The following ANKS1B variants were observed in gnomAD, a reference collection of about 807,000 sequenced individuals.
ANKS1B encodes ankyrin repeat and sterile alpha motif domain-containing protein 1B.
Under a neutral mutation model 148.3 loss-of-function variants are expected in ANKS1B, and 36 were observed. The ratio of observed to expected loss-of-function variants is 0.24; its 90% CI spans 0.19 to 0.32. ANKS1B has a LOEUF of 0.32. Among genes scored for constraint, ANKS1B ranks in the 10% least tolerant of loss-of-function variants. ANKS1B has a pLI of 1.00. For missense variants in ANKS1B, 1,157 were observed against 1,542.6 expected (o/e 0.75, Z 4.19); for synonymous variants, 542 against 560.8 (o/e 0.97, Z 0.47).
intron 12 of ANKS1B, among the ~76,000 whole-genome samples, chr12:99,287,308 G>C (rs752355333): frequency 2.6e-5 from 4 of 152,146 alleles, no homozygotes; most frequent in Non-Finnish European, 4.4e-5. Flanking sequence ...CAGGAAGGTG[G>C]TATTTCTACA....
At chr12:98,954,318 C>T (rs901048764) in intron 17 of ANKS1B, 4 of 152,166 alleles carry the variant, frequency 2.6e-5, no homozygotes, top group Non-Finnish European at 5.9e-5. Flanking sequence ...ATTTTAGTGT[C>T]CTTCTCTTTC....
chr12:98,918,939 A>G (rs901078696), intron 17 of ANKS1B, among the ~76,000 whole-genome samples: 6 of 152,222 alleles, frequency 3.9e-5, no homozygotes, highest in African/African-American at 1.4e-4. Flanking sequence ...AATCAATAAA[A>G]TTTATATAAC....
At chr12:99,270,781 T>G (rs909634611) in intron 12 of ANKS1B, among the ~76,000 whole-genome samples, 8 of 152,244 alleles carry the variant, frequency 5.3e-5, no homozygotes, top group African/African-American at 1.9e-4. Flanking sequence ...ACTTTCCAAA[T>G]GAATATTGTC....
At chr12:99,707,178 A>T (rs553767701) in intron 8 of ANKS1B, among the ~76,000 whole-genome samples, 16 of 152,220 alleles carry the variant, frequency 1.1e-4, no homozygotes, top group African/African-American at 3.9e-4. Context: ...AAGATTGTTG[A>T]GTTCTGCTTG....
intron 14 of ANKS1B, among the ~76,000 whole-genome samples, chr12:99,208,489 T>C (rs1434251008): frequency 6.6e-6 from 1 of 152,202 alleles, no homozygotes; most frequent in Non-Finnish European, 1.5e-5. Flanking sequence ...GTTAGGCTTA[T>C]TTCATATGTT....
At chr12:99,582,456 C>A (rs1402349762) in intron 9 of ANKS1B, among the ~76,000 whole-genome samples, 1 of 151,962 alleles carries the variant, frequency 6.6e-6, no homozygotes, top group Non-Finnish European at 1.5e-5. Flanking sequence ...TGTTCATCGA[C>A]TGATCAATCT....
chr12:99,774,712 C>T (rs1258869033), intron 7 of ANKS1B, among the ~76,000 whole-genome samples: 6 of 151,932 alleles, frequency 3.9e-5, no homozygotes, highest in Non-Finnish European at 8.8e-5. Flanking sequence ...TCAGAACAGC[C>T]AAGACATGAA....
chr12:98,839,992 T>A (rs1270647532), intron 17 of ANKS1B, among the ~76,000 whole-genome samples: 1 of 152,206 alleles, frequency 6.6e-6, no homozygotes, highest in African/African-American at 2.4e-5. Flanking sequence ...ATAGTGTCAC[T>A]GCATCTCAGG....
At chr12:99,246,954 C>G in intron 12 of ANKS1B, 90 bp from the exon 13 acceptor site, 1 of 993,252 alleles carries the variant, frequency 1.0e-6, no homozygotes. Flanking sequence ...GTGGGCTATC[C>G]AAACATTTCA....
intron 17 of ANKS1B, among the ~76,000 whole-genome samples, chr12:98,938,881 A>C (rs2099828238): frequency 6.6e-6 from 1 of 152,242 alleles, no homozygotes; most frequent in Non-Finnish European, 1.5e-5. Flanking sequence ...TACCATTTGC[A>C]ATGAAATGGA....
At chr12:99,570,645 C>CA (rs34453262) in intron 9 of ANKS1B, among the ~76,000 whole-genome samples, 10,025 of 103,260 alleles carry the variant, frequency 0.097, 467 homozygotes, top group East Asian at 0.3. Flanking sequence ...GACTTCGTCT[C>CA]AAAAAAAAAA....
At chr12:99,032,636 G>T (rs2099952954) in intron 17 of ANKS1B, among the ~76,000 whole-genome samples, 1 of 152,086 alleles carries the variant, frequency 6.6e-6, no homozygotes, top group Non-Finnish European at 1.5e-5. Flanking sequence ...TTCCAAATAA[G>T]GTCACATTCA....
chr12:99,733,508 G>A (rs989724479), intron 8 of ANKS1B, among the ~76,000 whole-genome samples: 4 of 152,146 alleles, frequency 2.6e-5, no homozygotes, highest in African/African-American at 7.2e-5. Flanking sequence ...AAATTACAAT[G>A]TTCTAGGCAC....
intron 19 of ANKS1B, among the ~76,000 whole-genome samples, chr12:98,816,751 G>A (rs1205786924): frequency 6.6e-6 from 1 of 152,116 alleles, no homozygotes. Context: ...CAACGTTTAT[G>A]GCATGAAAAT....
chr12:98,752,264 C>CT lies in ANKS1B; in HGVS notation c.3580-743dup, dbSNP rs112862863. 7.0e-4 allele frequency among the ~76,000 whole-genome samples: 103 copies of CT among 147,204 alleles called. 1 individual carries two copies. The East Asian group carries it at 0.015, about 21-fold the overall frequency. On this transcript the variant is annotated intron_variant, in intron 25 of 26. Transcript: ENST00000683438. ...GCTGTGTCACGGGTGCATTTTTTTT[C>CT]TTTTTTTTTTTTAGATGGAGTCTCA...
intron 9 of ANKS1B, among the ~76,000 whole-genome samples, chr12:99,505,203 C>T (rs949849676): frequency 1.3e-5 from 2 of 152,026 alleles, no homozygotes; most frequent in Admixed American, 6.6e-5. Context: ...ATCTTCAGAT[C>T]AAAAAGGTAA....
At chr12:99,617,807 T>TAA (rs36091720) in intron 9 of ANKS1B, among the ~76,000 whole-genome samples, 86 of 147,852 alleles carry the variant, frequency 5.8e-4, no homozygotes, top group African/African-American at 1.7e-3. Context: ...AAGTAAGATT[T>TAA]AAAAAAAAAA....
intron 1 of ANKS1B, among the ~76,000 whole-genome samples, chr12:99,858,513 C>T (rs1000000621): frequency 7.2e-5 from 11 of 152,128 alleles, no homozygotes; most frequent in African/African-American, 2.7e-4. Flanking sequence ...ATCCAGGAGT[C>T]CAACTCCTGG....
At chr12:99,492,560 T>A in intron 10 of ANKS1B, among the ~76,000 whole-genome samples, 1 of 152,202 alleles carries the variant, frequency 6.6e-6, no homozygotes, top group Middle Eastern at 3.2e-3. Context: ...GAGGCCAGCA[T>A]CATCCTGATA....
Sources: gnomAD v4.1 joint callset for allele counts (sites outside exome capture counted in the v4.1 genomes callset) on GRCh38, gnomAD v4.1.1 for gene constraint, MANE v1.5 for transcripts, NCBI Gene and HGNC (gene_info 2026-07-23, HGNC 2026-07-21) for gene names.